IFT74: variants seen among roughly 807,000 people sequenced by gnomAD.
IFT74 encodes the protein intraflagellar transport 74.
A neutral mutation model predicts 96.7 loss-of-function variants in IFT74; 92 were observed. That is an observed-to-expected ratio of 0.95 (90% CI 0.80 to 1.13). The LOEUF (loss-of-function observed/expected upper bound fraction) is 1.13, where lower values mean the gene tolerates loss of function less well. Ranked by LOEUF, IFT74 falls within the 50% of genes most tolerant of loss-of-function variation. IFT74 has a pLI of 0.00. For synonymous variants in IFT74, 223 were observed against 213.2 expected, an observed-to-expected ratio of 1.05 and a Z score of -0.40; for missense variants, 811 against 698.2, an observed-to-expected ratio of 1.16 and a Z score of -1.82.
chr9:26,979,308 T>A lies in IFT74; in HGVS notation c.256+1045T>A, dbSNP rs376594619. Among the ~76,000 whole-genome samples the A allele has an allele frequency of 1.0e-3, 158 of 152,314 alleles. 1 individual carries two copies. In the Middle Eastern group the frequency reaches 0.027, roughly 26 times the overall value. The stretch of plus-strand genomic sequence containing the variant: ...AATTACATAGTCATTTAACTAGCCT[T>A]TTGAAAGTGGATGCACAGAAATATT... On this transcript the variant is annotated intron_variant, in intron 3 of 19. Coordinates refer to ENST00000380062, the MANE Select transcript of IFT74 (RefSeq NM_025103.4).
intron 8 of IFT74, among the ~76,000 whole-genome samples, chr9:27,006,623 AAG>A (rs138335710): frequency 6.9e-4 from 96 of 139,296 alleles, no homozygotes; most frequent in East Asian, 4.3e-3. Flanking sequence ...GGGAGAGGGA[AAG>A]AGAGAGAGAG....
intron 13 of IFT74, 129 bp downstream of exon 13, chr9:27,029,233 C>A: frequency 1.7e-6 from 1 of 585,904 alleles, no homozygotes; most frequent in Non-Finnish European, 2.8e-6. Flanking sequence ...ATATTACTAA[C>A]TTTACTAAAA....
In IFT74 at chr9:27,056,147, G is replaced by GTTA. The variant is rs369248949; in HGVS notation, c.1498-183_1498-181dup. ...GGAGAGATATGGCAGCATTAATAGA[G>GTTA]TTATTAATACAGATAATGTTAACAT... On this transcript the variant is annotated intron_variant, in intron 17 of 19. Transcript: ENST00000380062. Among the ~76,000 whole-genome samples, 1,286 of 152,124 alleles carry GTTA rather than the reference G, an allele frequency of 8.5e-3. 20 individuals carry two copies. Among genetic ancestry groups the GTTA allele is most frequent in the African/African-American group, 0.029 (1,220 of 41,530 alleles).
intron 9 of IFT74, among the ~76,000 whole-genome samples, chr9:27,010,260 A>G (rs1587347523): frequency 6.6e-6 from 1 of 152,150 alleles, no homozygotes; most frequent in East Asian, 1.9e-4. Context: ...AAGTGCTGGT[A>G]TTACAGGCAT....
intron 2 of IFT74, among the ~76,000 whole-genome samples, chr9:26,962,854 T>A (rs1428515061): frequency 6.6e-6 from 1 of 151,408 alleles, no homozygotes; most frequent in Non-Finnish European, 1.5e-5. Context: ...AAATGACAAC[T>A]GGTAAAAACA....
rs150702935 is a variant in IFT74 at position 26,998,055 on chromosome 9, T to A, written c.587+7860T>A. 1.2e-5 allele frequency: 19 copies of A among 1,613,446 alleles called. No individual in the cohort carries two copies. In the African/African-American group the frequency reaches 2.4e-4, roughly 20 times the overall value. Reference sequence around the variant, plus strand: ...CTGGAGAGGTTACCAAAACCGTTATTATGTAAGATAGTAACCTTGTTCTCA... The same window carrying A: ...CTGGAGAGGTTACCAAAACCGTTATAATGTAAGATAGTAACCTTGTTCTCA... On this transcript the variant is annotated intron_variant, in intron 8 of 19. Transcript: ENST00000380062.
intron 18 of IFT74, 75 bp downstream of exon 18, chr9:27,056,534 T>C: frequency 7.4e-7 from 1 of 1,359,122 alleles, no homozygotes; most frequent in East Asian, 2.4e-5. Flanking sequence ...TTTTTTATTT[T>C]AAAATTTGCT....
chr9:26,995,827 A>C, intron 8 of IFT74: 1 of 1,603,492 alleles, frequency 6.2e-7, no homozygotes, highest in Non-Finnish European at 8.5e-7. Context: ...GAAAAGCCCA[A>C]CTTTTTCCAA....
intron 8 of IFT74, among the ~76,000 whole-genome samples, chr9:27,001,039 C>T (rs913578321): frequency 2.0e-5 from 3 of 152,048 alleles, no homozygotes; most frequent in Admixed American, 6.5e-5. Context: ...TCCCACATGC[C>T]GGTGAGAATG....
At chr9:27,015,859 A>G (rs184188042) in intron 10 of IFT74, among the ~76,000 whole-genome samples, 18 of 152,336 alleles carry the variant, frequency 1.2e-4, no homozygotes, top group African/African-American at 4.1e-4. Flanking sequence ...AACATGTAGT[A>G]TAGTGCCTGG....
chr9:26,967,514 A>G (rs1295415164), intron 2 of IFT74, among the ~76,000 whole-genome samples: 3 of 152,126 alleles, frequency 2.0e-5, no homozygotes, highest in African/African-American at 7.2e-5. Context: ...GGTTTTTCCA[A>G]ATATAAGATC....
intron 1 of IFT74, among the ~76,000 whole-genome samples, chr9:26,951,006 G>A (rs1825915289): frequency 6.6e-6 from 1 of 152,192 alleles, no homozygotes; most frequent in Non-Finnish European, 1.5e-5. Flanking sequence ...TCAACTGTCT[G>A]TCTGCATACA....
chr9:26,947,900 A>G (rs934749621), intron 1 of IFT74, among the ~76,000 whole-genome samples: 1 of 152,168 alleles, frequency 6.6e-6, no homozygotes, highest in South Asian at 2.1e-4. Flanking sequence ...TATTTTTAAC[A>G]ACCCCGCCGC....
chr9:27,001,453 A>G (rs901137029), intron 8 of IFT74, among the ~76,000 whole-genome samples: 1 of 152,146 alleles, frequency 6.6e-6, no homozygotes, highest in Non-Finnish European at 1.5e-5. Flanking sequence ...CTTTCTCCAC[A>G]TCGTCACCAG....
intron 11 of IFT74, 151 bp downstream of exon 11, chr9:27,017,201 A>AT (rs1829388896): frequency 2.1e-6 from 1 of 469,730 alleles, no homozygotes; most frequent in African/African-American, 2.0e-5. Context: ...TTTAATCTAG[A>AT]TTTTCTTCCT....
At chr9:26,979,151 ATTT>A (rs10536892) in intron 3 of IFT74, among the ~76,000 whole-genome samples, 1 of 148,098 alleles carries the variant, frequency 6.8e-6, no homozygotes, top group Admixed American at 6.7e-5. Flanking sequence ...AGAGACTTAA[ATTT>A]TTTTTTTTTG....
chr9:27,044,752 C>T lies in IFT74; in HGVS notation c.1065C>T (p.Asn355=). The T allele has an allele frequency of 6.4e-7, 1 of 1,565,684 alleles. No homozygotes were observed. Among genetic ancestry groups the T allele is most frequent in the Non-Finnish European group, 8.7e-7 (1 of 1,144,974 alleles). The change falls in exon 14 of 20, where the codon AAC becomes AAT. Residue 355 remains asparagine, a synonymous_variant. Transcript: ENST00000380062. ...TTATATCTCTCATAGGTGAAATGAACCAGAAATACAAGGAGCTAAAGAAAA... is the reference window on the plus strand; with the variant it reads ...TTATATCTCTCATAGGTGAAATGAATCAGAAATACAAGGAGCTAAAGAAAA... ...MDLEEHQGEM[N]QKYKELKKRE... is the part of the protein sequence containing the mutation.
At chr9:27,007,027 C>CG (rs1828827635) in intron 8 of IFT74, among the ~76,000 whole-genome samples, 2 of 151,464 alleles carry the variant, frequency 1.3e-5, no homozygotes, top group Admixed American at 1.3e-4. Flanking sequence ...TTAGTAGAGA[C>CG]GGGGTTTCAC....
intron 8 of IFT74, among the ~76,000 whole-genome samples, chr9:27,005,352 T>TCCCCCCCCCC (rs1443234170): frequency 1.1e-4 from 2 of 18,948 alleles, no homozygotes; most frequent in African/African-American, 3.4e-4. Flanking sequence ...TGAAACCATT[T>TCCCCCCCCCC]CCCCCCCCGC....
Sources: gnomAD v4.1 joint callset for allele counts (sites outside exome capture counted in the v4.1 genomes callset) on GRCh38, gnomAD v4.1.1 for gene constraint, MANE v1.5 for transcripts, NCBI Gene and HGNC (gene_info 2026-07-23, HGNC 2026-07-21) for gene names.